The following OPN5 variants were observed in gnomAD, a reference collection of about 807,000 sequenced individuals.
The protein encoded by OPN5 is opsin-5.
A neutral mutation model predicts 41.7 loss-of-function variants in OPN5; 18 were observed. The observed-to-expected ratio is 0.43, with a 90% CI of 0.30 to 0.64. OPN5 has a LOEUF of 0.64. Among genes scored for constraint, OPN5 ranks in the 30% least tolerant of loss-of-function variants. The pLI, the probability that OPN5 is intolerant of heterozygous loss-of-function variation, is 0.13. For missense variants in OPN5, 318 were observed against 434.5 expected (o/e 0.73, Z 2.38); for synonymous variants, 178 against 164.3 (o/e 1.08, Z -0.64).
chr6:47,803,712 A>C (rs1421111835), intron 4 of OPN5, among the ~76,000 whole-genome samples: 2 of 152,188 alleles, frequency 1.3e-5, no homozygotes, highest in Non-Finnish European at 2.9e-5. Flanking sequence ...ATGCAGCTTC[A>C]AGTATTAGCT....
At chr6:47,808,471 T>C in intron 5 of OPN5, 76 bp downstream of exon 5, 1 of 1,508,236 alleles carries the variant, frequency 6.6e-7, no homozygotes. Flanking sequence ...TACTCAGATG[T>C]GCTGTCTTCT....
At chr6:47,818,438 C>G (rs1301899984) in intron 6 of OPN5, among the ~76,000 whole-genome samples, 1 of 152,220 alleles carries the variant, frequency 6.6e-6, no homozygotes, top group African/African-American at 2.4e-5. Flanking sequence ...AGTGGAGAAT[C>G]AGGCACTCTT....
At chr6:47,790,257 G>T (rs1179947292) in intron 2 of OPN5, among the ~76,000 whole-genome samples, 1 of 152,076 alleles carries the variant, frequency 6.6e-6, no homozygotes, top group African/African-American at 2.4e-5. Flanking sequence ...TTGAAAAAGA[G>T]CATGACTTAG....
chr6:47,803,835 G>T (rs564612687), intron 4 of OPN5, among the ~76,000 whole-genome samples: 1 of 152,070 alleles, frequency 6.6e-6, no homozygotes, highest in Non-Finnish European at 1.5e-5. Context: ...CTGCTCAGTC[G>T]AGCTGAACCA....
intron 6 of OPN5, chr6:47,823,679 G>T: frequency 2.1e-6 from 1 of 487,120 alleles, no homozygotes; most frequent in Non-Finnish European, 3.7e-6. Flanking sequence ...TTTCATTCTA[G>T]GCAATGCTTA....
chr6:47,809,833 A>C (rs1484651872), intron 5 of OPN5, among the ~76,000 whole-genome samples: 7 of 152,238 alleles, frequency 4.6e-5, no homozygotes, highest in Non-Finnish European at 1.0e-4. Context: ...TTATAAATGC[A>C]GATAGAGAGA....
chr6:47,815,562 T>C (rs1243380043), intron 6 of OPN5, among the ~76,000 whole-genome samples: 1 of 152,130 alleles, frequency 6.6e-6, no homozygotes, highest in Non-Finnish European at 1.5e-5. Context: ...TTAGCAGAGA[T>C]AGCATCAGTC....
chr6:47,808,439 C>T (rs763348498), intron 5 of OPN5, 44 bp downstream of exon 5: 5 of 1,606,200 alleles, frequency 3.1e-6, no homozygotes. Context: ...CTCTTTGTTT[C>T]AAAATCCGGC....
chr6:47,810,925 G>A lies in OPN5; in HGVS notation c.999-749G>A, dbSNP rs148862506. Among the ~76,000 whole-genome samples the A allele has an allele frequency of 5.3e-5, 8 of 152,292 alleles. No individual in the cohort carries two copies. In the East Asian group the frequency reaches 1.2e-3, roughly 22 times the overall value. On this transcript the variant is annotated intron_variant, in intron 5 of 6. Transcript: ENST00000371211. ...CTGCTGCCTGGGCCCCAACTATAGA[G>A]ATTTGGCTTTGTCTGGATTGGTCTT...
At chr6:47,785,304 A>T (rs757174034) in intron 1 of OPN5, among the ~76,000 whole-genome samples, 6 of 152,052 alleles carry the variant, frequency 3.9e-5, no homozygotes, top group Admixed American at 2.0e-4. Context: ...GAACTCCGTA[A>T]TCTCTTTTAT....
intron 4 of OPN5, among the ~76,000 whole-genome samples, chr6:47,802,908 C>T (rs1465597116): frequency 2.0e-5 from 3 of 152,038 alleles, no homozygotes; most frequent in Admixed American, 6.5e-5. Flanking sequence ...TTTTAAGATT[C>T]GAGAAAATTG....
downstream of OPN5, chr6:47,825,408 A>G (rs1190825038): frequency 6.6e-6 from 1 of 152,204 alleles, no homozygotes; most frequent in East Asian, 1.9e-4. Flanking sequence ...TGTTGTTATC[A>G]GGAGAGAGAA....
intron 6 of OPN5, among the ~76,000 whole-genome samples, chr6:47,819,875 CTT>C (rs1762548588): frequency 6.6e-6 from 1 of 152,136 alleles, no homozygotes; most frequent in Non-Finnish European, 1.5e-5. Context: ...AAGGTTGAAA[CTT>C]GAGTTATTTG....
At chr6:47,806,937 C>T (rs1178516570) in intron 4 of OPN5, among the ~76,000 whole-genome samples, 1 of 152,160 alleles carries the variant, frequency 6.6e-6, no homozygotes, top group Non-Finnish European at 1.5e-5. Flanking sequence ...GTGGGTGGAT[C>T]ACCTAAGGTC....
chr6:47,799,192 TG>T (rs1773675681), intron 4 of OPN5, among the ~76,000 whole-genome samples: 1 of 135,640 alleles, frequency 7.4e-6, no homozygotes, highest in African/African-American at 2.8e-5. Context: ...AACAGAGGTG[TG>T]ATGTATATAT....
At chr6:47,782,325 G>A in intron 1 of OPN5, 129 bp downstream of exon 1, 2 of 774,028 alleles carry the variant, frequency 2.6e-6, no homozygotes, top group Admixed American at 2.5e-5. Context: ...GGGAAAGGCA[G>A]AAGATGGAAT....
rs115818547 is a variant in OPN5 at position 47,812,000 on chromosome 6, G to A, written c.1056+269G>A. On this transcript the variant is annotated intron_variant, in intron 6 of 6. Transcript: ENST00000371211. ...TTAAAACCTATTGTCATGCCAAACA[G>A]AATTGAATGTGAGATAGTGAGAAAA... 7.4e-3 allele frequency: 1,883 copies of A among 256,166 alleles called. 20 individuals carry two copies. Among genetic ancestry groups the A allele is most frequent in the Non-Finnish European group, 9.7e-3 (1,305 of 135,142 alleles). 15.9% of individuals were successfully genotyped at this position (256,166 alleles called of 1,614,324 possible).
intron 6 of OPN5, 135 bp from the exon 7 acceptor site, chr6:47,823,848 G>T: frequency 1.4e-6 from 1 of 714,358 alleles, no homozygotes; most frequent in African/African-American, 1.8e-5. Flanking sequence ...AGCCATCTCA[G>T]TGACAATGTC....
intron 1 of OPN5, among the ~76,000 whole-genome samples, chr6:47,785,725 G>A (rs927835449): frequency 7.2e-5 from 11 of 152,180 alleles, no homozygotes; most frequent in Admixed American, 2.0e-4. Flanking sequence ...AAGAACTTTC[G>A]AACAGTTTCA....
Sources: gnomAD v4.1 joint callset for allele counts (sites outside exome capture counted in the v4.1 genomes callset) on GRCh38, gnomAD v4.1.1 for gene constraint, MANE v1.5 for transcripts, NCBI Gene and HGNC (gene_info 2026-07-23, HGNC 2026-07-21) for gene names.